Variants in HS2ST1 observed in about 807,000 individuals in gnomAD.
The protein encoded by HS2ST1 is 2-O-sulfotransferase.
HS2ST1 carries 18 observed loss-of-function variants against 42.9 expected under a neutral mutation model. The ratio of observed to expected loss-of-function variants is 0.42; its 90% CI spans 0.29 to 0.62. The LOEUF (loss-of-function observed/expected upper bound fraction) is 0.62. Ranked by LOEUF, HS2ST1 falls within the 20% of genes least tolerant of loss-of-function variation. The probability of loss-of-function intolerance (pLI) is 0.21; values close to 1 mark genes in which losing one functional copy is unlikely to be tolerated. For missense variants in HS2ST1, 334 were observed against 433.8 expected (o/e 0.77, Z 2.04); for synonymous variants, 146 against 152.9 (o/e 0.95, Z 0.33).
chr1:87,051,006 C>G (rs910384607), intron 1 of HS2ST1, among the ~76,000 whole-genome samples: 2 of 151,976 alleles, frequency 1.3e-5, no homozygotes, highest in Non-Finnish European at 2.9e-5. Context: ...TTAACATTAT[C>G]CTTCACTTCC....
At chr1:86,921,124 G>A (rs534140633) in intron 1 of HS2ST1, among the ~76,000 whole-genome samples, 2 of 152,286 alleles carry the variant, frequency 1.3e-5, no homozygotes, top group South Asian at 2.1e-4. Context: ...TGTTCCAGGT[G>A]AACGTGAAAA....
At chr1:87,030,547 C>T (rs988900852) in intron 1 of HS2ST1, among the ~76,000 whole-genome samples, 1 of 152,098 alleles carries the variant, frequency 6.6e-6, no homozygotes, top group African/African-American at 2.4e-5. Context: ...CGCACACACA[C>T]ATGCCTCTCC....
intron 1 of HS2ST1, chr1:86,934,931 A>AAAAAAAAG: frequency 6.7e-6 from 1 of 149,568 alleles, no homozygotes; most frequent in African/African-American, 2.5e-5. Flanking sequence ...CCATCCCAAA[A>AAAAAAAAG]AAAAAAAAAA....
At chr1:87,079,759 C>T (rs1651636911) in intron 2 of HS2ST1, among the ~76,000 whole-genome samples, 1 of 151,330 alleles carries the variant, frequency 6.6e-6, no homozygotes, top group Non-Finnish European at 1.5e-5. Flanking sequence ...TAGTAGAGGC[C>T]AGGCACAGTG....
chr1:86,953,870 G>A (rs1339917031), intron 1 of HS2ST1, among the ~76,000 whole-genome samples: 1 of 151,936 alleles, frequency 6.6e-6, no homozygotes, highest in African/African-American at 2.4e-5. Flanking sequence ...CAATATTGTT[G>A]TATACCCAGG....
Position 86,954,040 on chromosome 1 carries a change from TAAAAAA to T in HS2ST1, c.124+38904_124+38909del, listed in dbSNP as rs367757359. On this transcript the variant is annotated intron_variant, in intron 1 of 6. Coordinates refer to ENST00000370550, the MANE Select transcript of HS2ST1 (RefSeq NM_012262.4). Reference sequence around the variant, plus strand: ...TAATAACAAACATCACTGTTTTTTTTAAAAAAAAAAAAAAAAAAAAAAAAAAAAAGG... The same window carrying T: ...TAATAACAAACATCACTGTTTTTTTTAAAAAAAAAAAAAAAAAAAAAAAGG... Among the ~76,000 whole-genome samples the T allele has an allele frequency of 3.6e-3, 243 of 67,354 alleles. 1 individual carries two copies. Among genetic ancestry groups the T allele is most frequent in the African/African-American group, 0.011 (211 of 19,674 alleles). 44.2% of individuals were successfully genotyped at this position (67,354 alleles called of 152,430 possible).
chr1:87,102,263 G>A (rs1453278994), intron 5 of HS2ST1, among the ~76,000 whole-genome samples: 1 of 152,020 alleles, frequency 6.6e-6, no homozygotes, highest in Non-Finnish European at 1.5e-5. Flanking sequence ...TCTCCATGTT[G>A]GTCGGGCTGG....
chr1:87,063,721 A>AT (rs1293582397), intron 1 of HS2ST1, among the ~76,000 whole-genome samples: 1 of 152,152 alleles, frequency 6.6e-6, no homozygotes, highest in African/African-American at 2.4e-5. Context: ...AAGCATGTTC[A>AT]TAATTGCTCA....
chr1:86,921,246 G>C (rs1438613292), intron 1 of HS2ST1, among the ~76,000 whole-genome samples: 3 of 152,150 alleles, frequency 2.0e-5, no homozygotes, highest in Middle Eastern at 3.4e-3. Context: ...TTATGGAGAG[G>C]GGTTTTGAAA....
rs1174721800 is a variant in HS2ST1 at position 86,914,946 on chromosome 1, G to A, written c.-91G>A. 10 of 1,512,774 alleles carry A rather than the reference G, an allele frequency of 6.6e-6. 1 individual carries two copies. The highest frequency in any genetic ancestry group is 1.9e-5 in the Admixed American group (1 of 52,788). 93.7% of individuals were successfully genotyped at this position (1,512,774 alleles called of 1,614,324 possible). On this transcript the variant is annotated 5_prime_UTR_variant, in exon 1 of 7. Transcript: ENST00000370550. ...GTCGCTCTCTCTTTGCCTCGCTCCCGGCTCGGCGGGCTCCTCCCGGCGTCT... is the reference window on the plus strand; with the variant it reads ...GTCGCTCTCTCTTTGCCTCGCTCCCAGCTCGGCGGGCTCCTCCCGGCGTCT...
At chr1:87,056,921 G>A (rs1557530712) in intron 1 of HS2ST1, among the ~76,000 whole-genome samples, 1 of 152,002 alleles carries the variant, frequency 6.6e-6, no homozygotes, top group Non-Finnish European at 1.5e-5. Context: ...GTGTAGAATT[G>A]AAAAAGAATA....
chr1:86,963,970 CG>C, intron 1 of HS2ST1, among the ~76,000 whole-genome samples: 1 of 151,442 alleles, frequency 6.6e-6, no homozygotes, highest in South Asian at 2.1e-4. Context: ...GGTCGGCTGC[CG>C]GGCGGAGGGG....
chr1:87,051,671 C>CA (rs1167218626), intron 1 of HS2ST1, among the ~76,000 whole-genome samples: 1 of 151,728 alleles, frequency 6.6e-6, no homozygotes, highest in African/African-American at 2.4e-5. Flanking sequence ...CGATTGATAA[C>CA]AACTGTCCAG....
At chr1:87,017,951 A>G (rs1649807391) in intron 1 of HS2ST1, among the ~76,000 whole-genome samples, 2 of 26,476 alleles carry the variant, frequency 7.6e-5, no homozygotes, top group South Asian at 5.3e-3. Context: ...CTTTTTTAAA[A>G]TTAGGAAAAC....
At chr1:87,087,036 A>G (rs1651833076) in intron 3 of HS2ST1, among the ~76,000 whole-genome samples, 1 of 152,086 alleles carries the variant, frequency 6.6e-6, no homozygotes, top group African/African-American at 2.4e-5. Flanking sequence ...CTTGACCTTA[A>G]TGAGTTCACT....
At chr1:87,083,055 T>C (rs185348094) in intron 2 of HS2ST1, among the ~76,000 whole-genome samples, 95 of 152,296 alleles carry the variant, frequency 6.2e-4, no homozygotes, top group Non-Finnish European at 1.1e-3. Flanking sequence ...AGATAAATTA[T>C]CCCAGAACTC....
chr1:87,102,163 A>G (rs922219153), intron 5 of HS2ST1, among the ~76,000 whole-genome samples: 1 of 152,018 alleles, frequency 6.6e-6, no homozygotes, highest in Non-Finnish European at 1.5e-5. Context: ...GGTTCAAGCA[A>G]TTCTCCTGCC....
At chr1:87,098,406 A>G in intron 5 of HS2ST1, 1 of 810,628 alleles carries the variant, frequency 1.2e-6, no homozygotes, top group South Asian at 5.7e-5. Flanking sequence ...TATCAAGTGG[A>G]AAATAAAGAT....
chr1:87,071,387 A>G (rs764790075), intron 1 of HS2ST1, among the ~76,000 whole-genome samples: 2 of 152,340 alleles, frequency 1.3e-5, no homozygotes, highest in Admixed American at 6.5e-5. Context: ...TAAAACTGCA[A>G]TTATGATAAA....
Sources: gnomAD v4.1 joint callset for allele counts (sites outside exome capture counted in the v4.1 genomes callset) on GRCh38, gnomAD v4.1.1 for gene constraint, MANE v1.5 for transcripts, NCBI Gene and HGNC (gene_info 2026-07-23, HGNC 2026-07-21) for gene names.